Variants in ENDOV observed in about 807,000 individuals in gnomAD.
The protein encoded by ENDOV is hEndoV.
Under a neutral mutation model 39.4 loss-of-function variants are expected in ENDOV, and 37 were observed. The observed-to-expected ratio is 0.94, with a 90% confidence interval of 0.72 to 1.23. ENDOV has a LOEUF of 1.23. ENDOV is among the 50% of genes most tolerant of loss of function. The pLI, the probability that ENDOV is intolerant of heterozygous loss-of-function variation, is 0.00. For synonymous variants in ENDOV, 186 were observed against 163.4 expected (o/e 1.14, Z -1.05); for missense variants, 441 against 375.7 (o/e 1.17, Z -1.44).
chr17:80,423,980 G>A (rs1242576721), intron 5 of ENDOV: 2 of 178,830 alleles, frequency 1.1e-5, no homozygotes, highest in Non-Finnish European at 2.2e-5. Context: ...TCCCCACCCC[G>A]CCTTGCCCCA....
chr17:80,436,468 T>A lies in ENDOV; in HGVS notation c.*325T>A. The A allele has an allele frequency of 2.2e-6, 2 of 918,396 alleles. No individual in the cohort carries two copies. The highest frequency in any genetic ancestry group is 1.5e-6 in the Non-Finnish European group (1 of 681,156). The allele number at this position is 918,396 out of a possible 1,614,324, so 56.9% of individuals were successfully genotyped here. On this transcript the variant is annotated 3_prime_UTR_variant, in exon 10 of 10. Coordinates refer to ENST00000518137, the MANE Select transcript of ENDOV (RefSeq NM_173627.5). ...TCCCTTCTAGTCCTAATTTGTTAAG[T>A]GTTTTTATCCTTAAAGGGTACTGGA...
chr17:80,432,532 G>A (rs1277789025), intron 9 of ENDOV, among the ~76,000 whole-genome samples: 1 of 152,104 alleles, frequency 6.6e-6, no homozygotes, highest in Non-Finnish European at 1.5e-5. Context: ...TTGTCCTGGG[G>A]CATGCCGTCC....
At chr17:80,427,791 G>T (rs1461906888) in intron 7 of ENDOV, 2 of 1,288,952 alleles carry the variant, frequency 1.6e-6, no homozygotes, top group Admixed American at 2.3e-5. Context: ...GCGCTGCGGC[G>T]CTCCTGGTTG....
chr17:80,415,432 G>A (rs769968393), intron 1 of ENDOV, 182 bp downstream of exon 1: 1 of 993,906 alleles, frequency 1.0e-6, no homozygotes, highest in Non-Finnish European at 1.5e-6. Flanking sequence ...CGCGGGGTGG[G>A]CGCGGTTCTC....
At position 80,415,811 on chromosome 17, in the gene ENDOV, C is replaced by T; in HGVS notation, c.218C>T (p.Pro73Leu). ...GCTTCCCTGGTGGTGCTCAGCTTCC[C>T]TGAGCTCGAGGTAACCTGGGAGGAC... is the stretch of plus-strand genomic sequence containing the variant. ...ACASLVVLSF[P>L]ELEVVYEESR... The change falls in exon 2 of 10, where the codon CCT becomes CTT. Residue 73 changes from proline to leucine, a missense_variant. Physicochemically the swap from Pro to Leu is moderately conservative, Grantham distance 98. Coordinates refer to ENST00000518137, the MANE Select transcript of ENDOV (RefSeq NM_173627.5). 6.3e-7 allele frequency: 1 copy of T among 1,595,304 alleles called. No individual in the cohort carries two copies. Among genetic ancestry groups the T allele is most frequent in the Non-Finnish European group, 8.5e-7 (1 of 1,171,066 alleles).
At position 80,427,539 on chromosome 17, in the gene ENDOV, G is replaced by A. The variant is rs113620901; in HGVS notation, c.715-1057G>A. The A allele has an allele frequency of 1.5e-4, 157 of 1,056,252 alleles. No individual in the cohort carries two copies. The Middle Eastern group carries it at 2.7e-3, about 18-fold the overall frequency. The allele number at this position is 1,056,252 out of a possible 1,614,324, so 65.4% of individuals were successfully genotyped here. ...AGGAAGGAAAGCCGCAACCAGTTGG[G>A]ATATGCAGCCACCCCGTACCAGGAG... On this transcript the variant is annotated intron_variant, in intron 7 of 9. Coordinates refer to ENST00000518137, the MANE Select transcript of ENDOV (RefSeq NM_173627.5).
rs2082127590 is a variant in ENDOV at position 80,422,187 on chromosome 17, T to A, written c.364-19T>A. ...GAGGGGCAGCTCAGCTGACTGTGAC[T>A]CTCCCTGTGGCTCCATAGGTCCTTC... is the stretch of plus-strand genomic sequence containing the variant. On this transcript the variant is annotated intron_variant, in intron 3 of 9. Coordinates refer to ENST00000518137, the MANE Select transcript of ENDOV (RefSeq NM_173627.5). The A allele has an allele frequency of 6.2e-7, 1 of 1,613,530 alleles. No individual in the cohort carries two copies. Among genetic ancestry groups the A allele is most frequent in the African/African-American group, 1.3e-5 (1 of 75,008 alleles).
intron 2 of ENDOV, chr17:80,418,952 A>G (rs2081565537): frequency 6.6e-6 from 1 of 152,098 alleles, no homozygotes; most frequent in Admixed American, 6.5e-5. Flanking sequence ...CGGCTGGATC[A>G]CGAGGTCAGG....
chr17:80,425,367 G>A, intron 6 of ENDOV, 125 bp from the exon 7 acceptor site: 11 of 1,389,548 alleles, frequency 7.9e-6, no homozygotes, highest in Non-Finnish European at 1.1e-5. Context: ...GCCCCTGAGA[G>A]CACTGCCCCT....
intron 9 of ENDOV, chr17:80,433,242 T>G (rs1599476125): frequency 1.9e-6 from 1 of 519,632 alleles, no homozygotes; most frequent in East Asian, 5.4e-5. Context: ...CCCACAGGGG[T>G]CAGTACCTGC....
chr17:80,427,606 C>T (rs2082871351), intron 7 of ENDOV: 7 of 1,142,700 alleles, frequency 6.1e-6, no homozygotes, highest in Non-Finnish European at 7.7e-6. Context: ...AGGATCGTGT[C>T]CTGCAGGGCT....
chr17:80,424,996 G>A lies in ENDOV; in HGVS notation c.517-36G>A, dbSNP rs779096746. ...CCTTCAGCCCTTCACCAAGAAGAGA[G>A]GGGTTTTTTTCCCCATTTTTCCCTC... On this transcript the variant is annotated intron_variant, in intron 5 of 9. Coordinates refer to ENST00000518137, the MANE Select transcript of ENDOV (RefSeq NM_173627.5). 4 of 1,571,300 alleles carry A rather than the reference G, an allele frequency of 2.5e-6. No homozygotes were observed. The Middle Eastern group carries it at 5.0e-4, about 196-fold the overall frequency.
At position 80,430,087 on chromosome 17, in the gene ENDOV, G is replaced by T. The variant is rs181845279; in HGVS notation, c.838+256G>T. 24 of 1,535,598 alleles carry T rather than the reference G, an allele frequency of 1.6e-5. No individual in the cohort carries two copies. In the East Asian group the frequency reaches 4.4e-4, roughly 28 times the overall value. On this transcript the variant is annotated intron_variant, in intron 9 of 9. Coordinates refer to ENST00000518137, the MANE Select transcript of ENDOV (RefSeq NM_173627.5). ...GACAGGCTGACCGCACCACCCCAGG[G>T]GGACGCCGCAGCACAGCCCAGCACC...
intron 7 of ENDOV, chr17:80,427,555 G>T: frequency 9.4e-7 from 1 of 1,065,126 alleles, no homozygotes; most frequent in African/African-American, 1.7e-5. Context: ...CAGCCACCCC[G>T]TACCAGGAGC....
chr17:80,415,810 C>G lies in ENDOV; in HGVS notation c.217C>G (p.Pro73Ala), dbSNP rs1382103871. Residue 73 changes from proline to alanine, a missense_variant, in exon 2 of 10, where the codon CCT becomes GCT. Coordinates refer to ENST00000518137, the MANE Select transcript of ENDOV (RefSeq NM_173627.5). ...TGCTTCCCTGGTGGTGCTCAGCTTC[C>G]CTGAGCTCGAGGTAACCTGGGAGGA... ...ACASLVVLSF[P>A]ELEVVYEESR... 3 of 1,595,554 alleles carry G rather than the reference C, an allele frequency of 1.9e-6. No homozygotes were observed. In the Admixed American group the frequency reaches 5.2e-5, roughly 28 times the overall value.
At chr17:80,415,977 C>T in intron 2 of ENDOV, 156 bp downstream of exon 2, 1 of 892,562 alleles carries the variant, frequency 1.1e-6, no homozygotes, top group South Asian at 1.7e-5. Context: ...GTGGCTCACG[C>T]CTGCAATCCC....
intron 1 of ENDOV, 170 bp from the exon 2 acceptor site, chr17:80,415,480 T>C: frequency 9.5e-7 from 1 of 1,054,004 alleles, no homozygotes; most frequent in South Asian, 1.7e-5. Flanking sequence ...CTTGCGCGGG[T>C]CTCCGCCGCC....
chr17:80,422,063 C>CA, intron 3 of ENDOV, 101 bp downstream of exon 3: 1 of 1,557,848 alleles, frequency 6.4e-7, no homozygotes. Context: ...GGGAGAGACT[C>CA]ATGAGCTTCC....
At chr17:80,430,454 C>G in intron 9 of ENDOV, 2 of 1,213,170 alleles carry the variant, frequency 1.6e-6, no homozygotes, top group Non-Finnish European at 2.2e-6. Flanking sequence ...ATTTTTAAAG[C>G]AGGTCCTCAG....
Sources: allele counts gnomAD v4.1 joint callset (sites outside exome capture counted in the v4.1 genomes callset), GRCh38; gene constraint gnomAD v4.1.1; transcripts MANE v1.5; gene names NCBI Gene and HGNC (gene_info 2026-07-23, HGNC 2026-07-21).